The following UNC5D variants were observed in gnomAD, a reference collection of about 807,000 sequenced individuals.
UNC5D encodes netrin receptor UNC5D.
A neutral mutation model predicts 105.4 loss-of-function variants in UNC5D; 39 were observed. That is an observed-to-expected ratio of 0.37 (90% CI 0.29 to 0.48). UNC5D has a LOEUF of 0.48. UNC5D is among the 20% of genes least tolerant of loss of function. The pLI is 0.98. For missense variants in UNC5D, 991 were observed against 1,202.4 expected, an observed-to-expected ratio of 0.82 and a Z score of 2.60; for synonymous variants, 452 against 450.4, an observed-to-expected ratio of 1.00 and a Z score of -0.04.
rs549448426 is a variant in UNC5D, at chr8:35,793,800, T to G, written c.*3237T>G. The G allele has an allele frequency of 6.5e-6, 1 of 152,700 alleles. No homozygotes were observed. Among genetic ancestry groups the G allele is most frequent in the Non-Finnish European group, 1.5e-5 (1 of 68,016 alleles). 9.5% of individuals were successfully genotyped at this position (152,700 alleles called of 1,614,324 possible). A position where few individuals can be genotyped will look rare whatever the true frequency, so the allele number is the denominator to read the frequency against. ...ACTCAGATGTACTCCCACAAAAATT[T>G]TATTGGCCTTTTTGTAAGAGATGAA... is the stretch of plus-strand genomic sequence containing the variant. On this transcript the variant is annotated 3_prime_UTR_variant, in exon 17 of 17. Transcript: ENST00000404895.
chr8:35,710,984 G>C, intron 8 of UNC5D, among the ~76,000 whole-genome samples: 1 of 121,786 alleles, frequency 8.2e-6, no homozygotes, highest in East Asian at 2.6e-4. Flanking sequence ...TGTCGCCCAG[G>C]CTGGAGTGCA....
At chr8:35,426,394 T>C in intron 1 of UNC5D, among the ~76,000 whole-genome samples, 1 of 152,102 alleles carries the variant, frequency 6.6e-6, no homozygotes, top group East Asian at 1.9e-4. Context: ...TAAAAAAAAC[T>C]TCTGTAAAAG....
chr8:35,599,689 G>C (rs1819720173), intron 4 of UNC5D, among the ~76,000 whole-genome samples: 1 of 152,094 alleles, frequency 6.6e-6, no homozygotes, highest in Admixed American at 6.5e-5. Flanking sequence ...TCTCATGATT[G>C]GGTACTAACA....
rs1817499982 is a variant in UNC5D at position 35,568,373 on chromosome 8, A to C, written c.466+132A>C. 2.3e-6 allele frequency: 3 copies of C among 1,282,062 alleles called. No individual in the cohort carries two copies. In the South Asian group the frequency reaches 5.1e-5, roughly 22 times the overall value. The allele number at this position is 1,282,062 out of a possible 1,614,324, so 79.4% of individuals were successfully genotyped here. ...GAGGTCTTAAATTTACTCTTCTAAA[A>C]TGTTATTTTAAAATGTTTGATAATT... On this transcript the variant is annotated intron_variant, in intron 3 of 16. Coordinates refer to ENST00000404895, the MANE Select transcript of UNC5D (RefSeq NM_080872.4).
intron 1 of UNC5D, among the ~76,000 whole-genome samples, chr8:35,241,448 C>T (rs1802801301): frequency 1.3e-5 from 2 of 152,134 alleles, no homozygotes; most frequent in African/African-American, 4.8e-5. Flanking sequence ...CCCCCCACAC[C>T]ACTTCACTGA....
chr8:35,679,268 A>T (rs1825490859), intron 4 of UNC5D, among the ~76,000 whole-genome samples: 1 of 152,126 alleles, frequency 6.6e-6, no homozygotes, highest in African/African-American at 2.4e-5. Context: ...AGGAAAAAAG[A>T]CTAGCAAACA....
At chr8:35,386,089 C>T (rs1704321654) in intron 1 of UNC5D, among the ~76,000 whole-genome samples, 1 of 152,104 alleles carries the variant, frequency 6.6e-6, no homozygotes. Context: ...TTTGAAACGC[C>T]AACATTCATG....
At chr8:35,365,089 C>T (rs951272078) in intron 1 of UNC5D, among the ~76,000 whole-genome samples, 1 of 152,078 alleles carries the variant, frequency 6.6e-6, no homozygotes, top group Non-Finnish European at 1.5e-5. Context: ...ATGTGTGAAA[C>T]ATGATCATAG....
chr8:35,361,621 G>A (rs971825703), intron 1 of UNC5D, among the ~76,000 whole-genome samples: 3 of 152,180 alleles, frequency 2.0e-5, no homozygotes. Context: ...ACAGATGCAT[G>A]AGGAGGTGAT....
intron 15 of UNC5D, among the ~76,000 whole-genome samples, chr8:35,772,269 AT>A (rs1802043496): frequency 6.6e-6 from 1 of 152,170 alleles, no homozygotes; most frequent in Admixed American, 6.5e-5. Context: ...GGATTAATGC[AT>A]TGTGTTTCCA....
intron 4 of UNC5D, among the ~76,000 whole-genome samples, chr8:35,657,076 GTGTGTATA>G (rs1244789900): frequency 3.9e-4 from 37 of 94,416 alleles, no homozygotes; most frequent in African/African-American, 1.2e-3. Context: ...GTGTGTGTGT[GTGTGTATA>G]TATATATATA....
chr8:35,360,779 T>C (rs1801812271), intron 1 of UNC5D, among the ~76,000 whole-genome samples: 1 of 152,128 alleles, frequency 6.6e-6, no homozygotes, highest in Non-Finnish European at 1.5e-5. Context: ...TGAATGTATG[T>C]TCCAAGAACT....
At chr8:35,387,734 A>C (rs539140065) in intron 1 of UNC5D, among the ~76,000 whole-genome samples, 1 of 152,286 alleles carries the variant, frequency 6.6e-6, no homozygotes, top group South Asian at 2.1e-4. Context: ...CATGATCTTC[A>C]TATCATCCAT....
At chr8:35,439,052 G>C (rs919538562) in intron 1 of UNC5D, among the ~76,000 whole-genome samples, 2 of 151,834 alleles carry the variant, frequency 1.3e-5, no homozygotes, top group Non-Finnish European at 2.9e-5. Context: ...TCTAAGCTGA[G>C]TGTGACCTTG....
chr8:35,629,285 C>T, intron 4 of UNC5D, among the ~76,000 whole-genome samples: 1 of 152,246 alleles, frequency 6.6e-6, no homozygotes, highest in East Asian at 1.9e-4. Context: ...TTGCATTTCT[C>T]TGATGATTAG....
chr8:35,324,728 G>A (rs1039943623), intron 1 of UNC5D, among the ~76,000 whole-genome samples: 1 of 152,158 alleles, frequency 6.6e-6, no homozygotes, highest in East Asian at 1.9e-4. Flanking sequence ...ATGAAGAGAA[G>A]CTGCAAATTT....
intron 1 of UNC5D, among the ~76,000 whole-genome samples, chr8:35,277,338 T>G (rs2128844210): frequency 6.6e-6 from 1 of 152,316 alleles, no homozygotes; most frequent in African/African-American, 2.4e-5. Context: ...GGGCAGTTTC[T>G]TAAAGGCTAG....
chr8:35,436,852 CT>C (rs1225558393), intron 1 of UNC5D, among the ~76,000 whole-genome samples: 2 of 151,994 alleles, frequency 1.3e-5, no homozygotes, highest in African/African-American at 4.8e-5. Context: ...AGCCTAGAGA[CT>C]TTTTCTCATG....
chr8:35,700,081 G>C (rs537895772), intron 7 of UNC5D, among the ~76,000 whole-genome samples: 1 of 152,314 alleles, frequency 6.6e-6, no homozygotes, highest in South Asian at 2.1e-4. Flanking sequence ...ATGCAAAGCA[G>C]ACTTCATGTT....
Sources: gnomAD v4.1 joint callset for allele counts (sites outside exome capture counted in the v4.1 genomes callset) on GRCh38, gnomAD v4.1.1 for gene constraint, MANE v1.5 for transcripts, NCBI Gene and HGNC (gene_info 2026-07-23, HGNC 2026-07-21) for gene names.